The following ADAMTS17 variants were observed in gnomAD, a reference collection of about 807,000 sequenced individuals.
ADAMTS17 encodes ADAM metallopeptidase with thrombospondin type 1 motif 17.
A neutral mutation model predicts 141.5 loss-of-function variants in ADAMTS17; 113 were observed. The observed-to-expected ratio is 0.80, with a 90% CI of 0.69 to 0.93. ADAMTS17 has a LOEUF of 0.93. Among genes scored for constraint, ADAMTS17 ranks in the 40% least tolerant of loss-of-function variants. The pLI is 0.00. For synonymous variants in ADAMTS17, 768 were observed against 630.6 expected (o/e 1.22, Z -3.27); for missense variants, 1,659 against 1,517.9 (o/e 1.09, Z -1.54).
At position 100,254,454 on chromosome 15, in the gene ADAMTS17, T is replaced by C. The variant is rs553844683; in HGVS notation, c.1032-275A>G. ...AAGGACTCCTTTCAGCAGCTGAAAATGTTTTGGAAGATGTTTGCCAAGTCA... is the reference window on the plus strand; with the variant it reads ...AAGGACTCCTTTCAGCAGCTGAAAACGTTTTGGAAGATGTTTGCCAAGTCA... On this transcript the variant is annotated intron_variant, in intron 6 of 21. Transcript: ENST00000268070. Among the ~76,000 whole-genome samples the C allele has an allele frequency of 3.7e-4, 57 of 152,104 alleles. 1 individual carries two copies. The highest frequency in any genetic ancestry group is 5.9e-4 in the Non-Finnish European group (40 of 68,018).
chr15:100,033,761 C>T (rs1171175278), intron 18 of ADAMTS17, among the ~76,000 whole-genome samples: 1 of 152,222 alleles, frequency 6.6e-6, no homozygotes, highest in African/African-American at 2.4e-5. Flanking sequence ...CCCAGACCAA[C>T]TTTTCGGTGT....
At chr15:100,340,909 G>T in intron 2 of ADAMTS17, 130 bp downstream of exon 2, 1 of 1,385,758 alleles carries the variant, frequency 7.2e-7, no homozygotes, top group Non-Finnish European at 9.8e-7. Context: ...AGGTGGAAAG[G>T]CAGGGGGTTC....
intron 3 of ADAMTS17, among the ~76,000 whole-genome samples, chr15:100,324,782 G>A (rs1376534195): frequency 6.6e-6 from 1 of 152,170 alleles, no homozygotes; most frequent in East Asian, 1.9e-4. Context: ...AAATGAGCAG[G>A]TGAATTATAA....
At chr15:100,302,541 C>T (rs7496716) in intron 3 of ADAMTS17, among the ~76,000 whole-genome samples, 13,740 of 152,206 alleles carry the variant, frequency 0.09, 687 homozygotes, top group African/African-American at 0.13. Context: ...TATGAGAATT[C>T]GAAATCCTTG....
At chr15:100,254,487 G>T (rs542707152) in intron 6 of ADAMTS17, among the ~76,000 whole-genome samples, 1 of 152,230 alleles carries the variant, frequency 6.6e-6, no homozygotes, top group Middle Eastern at 3.4e-3. Context: ...TCACTGATCC[G>T]AGACAATTCT....
At position 99,972,638 on chromosome 15, in the gene ADAMTS17, C is replaced by CGGGGCGA. The variant is rs1555521668; in HGVS notation, c.*1757_*1763dup. 1 of 152,106 alleles carries CGGGGCGA rather than the reference C, an allele frequency of 6.6e-6. No homozygotes were observed. Among genetic ancestry groups the CGGGGCGA allele is most frequent in the Non-Finnish European group, 1.5e-5 (1 of 68,028 alleles). The allele number at this position is 152,106 out of a possible 1,614,324, so 9.4% of individuals were successfully genotyped here. A position where few individuals can be genotyped will look rare whatever the true frequency, so the allele number is the denominator to read the frequency against. Reference sequence around the variant, plus strand: ...GGAGGACAGCAGTCTGCGCAGGCCGCGGGGCGAGGGTGGGCCGCTCCATCC... The same window carrying CGGGGCGA: ...GGAGGACAGCAGTCTGCGCAGGCCGCGGGGCGAGGGGCGAGGGTGGGCCGCTCCATCC... On this transcript the variant is annotated 3_prime_UTR_variant, in exon 22 of 22. Coordinates refer to ENST00000268070, the MANE Select transcript of ADAMTS17 (RefSeq NM_139057.4).
intron 7 of ADAMTS17, among the ~76,000 whole-genome samples, chr15:100,227,653 T>C (rs2042352276): frequency 6.6e-6 from 1 of 152,218 alleles, no homozygotes; most frequent in Non-Finnish European, 1.5e-5. Context: ...CCCTAAGCAC[T>C]GTCCTCACAC....
intron 7 of ADAMTS17, among the ~76,000 whole-genome samples, chr15:100,245,696 G>A (rs1235694622): frequency 9.2e-5 from 14 of 152,154 alleles, no homozygotes; most frequent in Admixed American, 7.2e-4. Context: ...CAAACCTCCT[G>A]CAGTGGGATC....
rs1307703150 is a variant in ADAMTS17, at chr15:100,289,521, G to GAC, written c.617-8122_617-8121dup. On this transcript the variant is annotated intron_variant, in intron 3 of 21. Coordinates refer to ENST00000268070, the MANE Select transcript of ADAMTS17 (RefSeq NM_139057.4). Reference sequence around the variant, plus strand: ...ATCATTCTGATGCCAAAACCTTGCAGACACACACATACACACATACACACA... The same window carrying GAC: ...ATCATTCTGATGCCAAAACCTTGCAGACACACACACATACACACATACACACA... Among the ~76,000 whole-genome samples the GAC allele has an allele frequency of 3.4e-4, 50 of 146,442 alleles. No individual in the cohort carries two copies. The East Asian group carries it at 7.7e-3, about 23-fold the overall frequency.
chr15:100,027,211 C>T (rs189884496), intron 18 of ADAMTS17, among the ~76,000 whole-genome samples: 17 of 152,318 alleles, frequency 1.1e-4, no homozygotes, highest in East Asian at 3.9e-4. Flanking sequence ...CTCTAAACAA[C>T]GACAAATGTT....
chr15:100,266,216 T>G (rs1039199101), intron 4 of ADAMTS17, among the ~76,000 whole-genome samples: 18 of 152,208 alleles, frequency 1.2e-4, no homozygotes, highest in Non-Finnish European at 1.2e-4. Context: ...CAGCACCACC[T>G]GCTTCCGTCT....
intron 4 of ADAMTS17, among the ~76,000 whole-genome samples, chr15:100,277,848 G>A (rs1199666828): frequency 6.6e-6 from 1 of 152,248 alleles, no homozygotes; most frequent in Non-Finnish European, 1.5e-5. Flanking sequence ...CACGTTCATA[G>A]CAACATTATT....
rs754402282 is a variant in ADAMTS17, at chr15:100,261,638, TA to T, written c.874-3del. 4 of 1,611,702 alleles carry T rather than the reference TA, an allele frequency of 2.5e-6. No homozygotes were observed. In the South Asian group the frequency reaches 4.4e-5, roughly 18 times the overall value. On this transcript the variant is annotated splice_region_variant and splice_polypyrimidine_tract_variant and intron_variant, in intron 5 of 21. Transcript: ENST00000268070. ...ATGGTGCCCAATGGACAACTTAGCC[TA>T]AAAAAAGTCAGAGGACAGTTAGAGA... is the stretch of plus-strand genomic sequence containing the variant.
chr15:100,013,859 T>A (rs1021447653), intron 18 of ADAMTS17, among the ~76,000 whole-genome samples: 1 of 152,210 alleles, frequency 6.6e-6, no homozygotes, highest in African/African-American at 2.4e-5. Flanking sequence ...TTTGGTTATG[T>A]CCTTTCCTGG....
At chr15:100,247,309 C>A (rs1370171950) in intron 7 of ADAMTS17, among the ~76,000 whole-genome samples, 1 of 152,208 alleles carries the variant, frequency 6.6e-6, no homozygotes, top group East Asian at 1.9e-4. Context: ...CAAAGAAACC[C>A]AAGAGCTGGT....
chr15:100,091,132 C>T lies in ADAMTS17; in HGVS notation c.2137+5224G>A, dbSNP rs531518952. Among the ~76,000 whole-genome samples the T allele has an allele frequency of 1.2e-4, 18 of 151,816 alleles. No homozygotes were observed. In the East Asian group the frequency reaches 2.3e-3, roughly 20 times the overall value. On this transcript the variant is annotated intron_variant, in intron 15 of 21. Transcript: ENST00000268070. ...CACAGTCCTCCAACCCCTGCTCTGACCCAGAGCTCAAAGTCCACCTGAGGC... is the reference window on the plus strand; with the variant it reads ...CACAGTCCTCCAACCCCTGCTCTGATCCAGAGCTCAAAGTCCACCTGAGGC...
At chr15:100,193,594 C>A (rs2141602552) in intron 8 of ADAMTS17, among the ~76,000 whole-genome samples, 1 of 152,306 alleles carries the variant, frequency 6.6e-6, no homozygotes, top group African/African-American at 2.4e-5. Flanking sequence ...TCCTGGAGAG[C>A]TTTCCTGAGC....
At chr15:100,238,988 G>A (rs547954778) in intron 7 of ADAMTS17, among the ~76,000 whole-genome samples, 5 of 152,330 alleles carry the variant, frequency 3.3e-5, no homozygotes, top group African/African-American at 1.2e-4. Flanking sequence ...GTACTCGGGA[G>A]ACTGAGATGG....
intron 4 of ADAMTS17, 33 bp from the exon 5 acceptor site, chr15:100,262,468 A>G (rs1440332187): frequency 1.3e-6 from 2 of 1,579,620 alleles, no homozygotes; most frequent in Non-Finnish European, 1.7e-6. Context: ...TAAAGATATA[A>G]AGATAAAAAA....
Sources: allele counts gnomAD v4.1 joint callset (sites outside exome capture counted in the v4.1 genomes callset), GRCh38; gene constraint gnomAD v4.1.1; transcripts MANE v1.5; gene names NCBI Gene and HGNC (gene_info 2026-07-23, HGNC 2026-07-21).